TP53BP1: variants seen among roughly 807,000 people sequenced by gnomAD.
TP53BP1 encodes the protein TP53-binding protein 1.
A neutral mutation model predicts 200.8 loss-of-function variants in TP53BP1; 61 were observed. The observed-to-expected ratio is 0.30, with a 90% confidence interval of 0.25 to 0.38. The LOEUF (loss-of-function observed/expected upper bound fraction) is 0.38, where lower values mean the gene tolerates loss of function less well. TP53BP1 is among the 10% of genes least tolerant of loss of function. TP53BP1 has a pLI of 1.00. For synonymous variants in TP53BP1, 822 were observed against 844.3 expected, an observed-to-expected ratio of 0.97 and a Z score of 0.46; for missense variants, 2,144 against 2,371.9, an observed-to-expected ratio of 0.90 and a Z score of 2.00.
At chr15:43,471,068 T>A (rs530898733) in intron 10 of TP53BP1, among the ~76,000 whole-genome samples, 2 of 152,238 alleles carry the variant, frequency 1.3e-5, no homozygotes, top group South Asian at 4.1e-4. Context: ...AACCTGCTGT[T>A]ATAGGCACTA....
intron 5 of TP53BP1, among the ~76,000 whole-genome samples, chr15:43,480,241 C>A (rs912060750): frequency 6.6e-6 from 1 of 151,992 alleles, no homozygotes; most frequent in Non-Finnish European, 1.5e-5. Context: ...TGAGGTCAGG[C>A]GGTCAAGACC....
At chr15:43,498,465 T>C (rs2079192566) in intron 1 of TP53BP1, among the ~76,000 whole-genome samples, 1 of 152,082 alleles carries the variant, frequency 6.6e-6, no homozygotes, top group South Asian at 2.1e-4. Context: ...AATCTGATCA[T>C]GAGAAAAAAT....
Position 43,432,188 on chromosome 15 carries a change from T to C in TP53BP1, c.3675+6A>G, listed in dbSNP as rs1173497786. ...GCCTCTGATGCACCCTAGTATGTTC[T>C]CTCACCTGGCTATGGAGCGACTCTG... On this transcript the variant is annotated splice_donor_region_variant and intron_variant, in intron 17 of 27. Coordinates refer to ENST00000382044, the MANE Select transcript of TP53BP1 (RefSeq NM_001141980.3). 2 of 1,612,566 alleles carry C rather than the reference T, an allele frequency of 1.2e-6. No homozygotes were observed. Among genetic ancestry groups the C allele is most frequent in the Non-Finnish European group, 1.7e-6 (2 of 1,179,084 alleles).
At chr15:43,444,714 G>C (rs946774077) in intron 14 of TP53BP1, among the ~76,000 whole-genome samples, 5 of 152,154 alleles carry the variant, frequency 3.3e-5, no homozygotes, top group Non-Finnish European at 5.9e-5. Flanking sequence ...TACAGTAAGA[G>C]CTAAAAATGT....
At chr15:43,463,056 C>CA (rs538139985) in intron 11 of TP53BP1, among the ~76,000 whole-genome samples, 5 of 151,466 alleles carry the variant, frequency 3.3e-5, no homozygotes, top group South Asian at 2.1e-4. Flanking sequence ...GACTCCATCT[C>CA]AAAAAAAACA....
At chr15:43,467,771 T>C (rs1334524533) in intron 11 of TP53BP1, among the ~76,000 whole-genome samples, 3 of 151,688 alleles carry the variant, frequency 2.0e-5, no homozygotes, top group African/African-American at 7.3e-5. Context: ...TCAGTGTTTA[T>C]AGCTCATTCT....
chr15:43,457,829 G>C (rs1349311759), intron 11 of TP53BP1, among the ~76,000 whole-genome samples: 1 of 151,852 alleles, frequency 6.6e-6, no homozygotes, highest in South Asian at 2.1e-4. Flanking sequence ...GACCAGCCTG[G>C]CCAACATGGC....
chr15:43,409,303 A>G, intron 25 of TP53BP1: 1 of 600,482 alleles, frequency 1.7e-6, no homozygotes, highest in South Asian at 2.1e-5. Context: ...CCTGCAGCAT[A>G]CTGAGGACCT....
At chr15:43,421,000 A>G (rs376524206) in intron 20 of TP53BP1, 25 bp downstream of exon 20, 10 of 1,600,916 alleles carry the variant, frequency 6.2e-6, no homozygotes, top group Non-Finnish European at 8.5e-6. Context: ...CAACAGACTA[A>G]GTATATCTTA....
chr15:43,410,295 A>T (rs2045075611), intron 24 of TP53BP1, among the ~76,000 whole-genome samples: 1 of 152,236 alleles, frequency 6.6e-6, no homozygotes, highest in African/African-American at 2.4e-5. Flanking sequence ...TGGTTTTAAA[A>T]TTTTAACTGA....
At chr15:43,407,868 G>C (rs1412962937) in intron 27 of TP53BP1, 75 bp downstream of exon 27, 2 of 1,438,322 alleles carry the variant, frequency 1.4e-6, no homozygotes. Flanking sequence ...CCTGAGCCTT[G>C]GACCACAAGG....
rs967387402 is a variant in TP53BP1 at position 43,405,435 on chromosome 15, T to G, written c.*1948A>C. On this transcript the variant is annotated 3_prime_UTR_variant, in exon 28 of 28. Transcript: ENST00000382044. The stretch of plus-strand genomic sequence containing the variant: ...CCCATCAAGGAGAACATGTGGCATC[T>G]CTGATCCTTTACATTGAGAACATTT... 3.4e-6 allele frequency: 2 copies of G among 596,366 alleles called. No individual in the cohort carries two copies. Among genetic ancestry groups the G allele is most frequent in the African/African-American group, 3.7e-5 (2 of 53,772 alleles). The allele number at this position is 596,366 out of a possible 1,614,324, so 36.9% of individuals were successfully genotyped here.
At chr15:43,497,879 C>T (rs61351540), upstream of TP53BP1, among the ~76,000 whole-genome samples, 1 of 152,176 alleles carries the variant, frequency 6.6e-6, no homozygotes, top group Non-Finnish European at 1.5e-5. Context: ...TATAATGGTA[C>T]ATTTATGTTA....
intron 5 of TP53BP1, among the ~76,000 whole-genome samples, chr15:43,480,437 G>T (rs113684855): frequency 6.0e-4 from 91 of 152,042 alleles, no homozygotes; most frequent in African/African-American, 2.1e-3. Context: ...AACAGAGCAA[G>T]ACTCCGTCGC....
At chr15:43,422,414 A>AT (rs2045425737) in intron 18 of TP53BP1, among the ~76,000 whole-genome samples, 1 of 152,228 alleles carries the variant, frequency 6.6e-6, no homozygotes, top group Non-Finnish European at 1.5e-5. Flanking sequence ...ATCTCAATAA[A>AT]ATATAAAATA....
chr15:43,413,504 T>C (rs1467891538), intron 23 of TP53BP1, among the ~76,000 whole-genome samples, 170 bp from the exon 24 acceptor site: 1 of 152,192 alleles, frequency 6.6e-6, no homozygotes, highest in Admixed American at 6.5e-5. Flanking sequence ...CCATTCTAAA[T>C]GGCCGACAGC....
At chr15:43,507,059 C>T (rs1398443839) in intron 1 of TP53BP1, among the ~76,000 whole-genome samples, 6 of 152,184 alleles carry the variant, frequency 3.9e-5, no homozygotes, top group Non-Finnish European at 8.8e-5. Flanking sequence ...AGCCCACTCC[C>T]ACTCTGTGGA....
chr15:43,443,655 A>G (rs138578202), intron 14 of TP53BP1, among the ~76,000 whole-genome samples: 31 of 152,282 alleles, frequency 2.0e-4, no homozygotes, highest in African/African-American at 7.5e-4. Context: ...AGATCACCCC[A>G]TTGCACTCCA....
At position 43,454,012 on chromosome 15, in the gene TP53BP1, C is replaced by A. The variant is rs1299918246; in HGVS notation, c.2716+1880G>T. 2.0e-5 allele frequency among the ~76,000 whole-genome samples: 3 copies of A among 152,084 alleles called. 1 individual carries two copies. The East Asian group carries it at 5.9e-4, about 30-fold the overall frequency. ...ACGAGGTCAGGAGATTGAAACCATC[C>A]TGGCCAGCATGGTGAAACCCCGTCT... On this transcript the variant is annotated intron_variant, in intron 12 of 27. Transcript: ENST00000382044.
Sources: allele counts gnomAD v4.1 joint callset (sites outside exome capture counted in the v4.1 genomes callset), GRCh38; gene constraint gnomAD v4.1.1; transcripts MANE v1.5; gene names NCBI Gene and HGNC (gene_info 2026-07-23, HGNC 2026-07-21).